Variants in ANTXR2 observed in about 807,000 individuals in gnomAD.
The protein encoded by ANTXR2 is ANTXR cell adhesion molecule 2, also known as anthrax toxin receptor 2.
ANTXR2 carries 44 observed loss-of-function variants against 73.7 expected under a neutral mutation model. That is an observed-to-expected ratio of 0.60 (90% CI 0.47 to 0.77). ANTXR2 has a LOEUF of 0.77. Among genes scored for constraint, ANTXR2 ranks in the 30% least tolerant of loss-of-function variants. The pLI is 0.00. For synonymous variants in ANTXR2, 217 were observed against 205.9 expected, an observed-to-expected ratio of 1.05 and a Z score of -0.46; for missense variants, 604 against 592.5, an observed-to-expected ratio of 1.02 and a Z score of -0.20.
In ANTXR2 at chr4:80,019,141, C is replaced by G. The variant is rs182823170; in HGVS notation, c.867-165G>C. Among the ~76,000 whole-genome samples the G allele has an allele frequency of 7.7e-3, 1,179 of 152,202 alleles. 17 individuals are homozygous for G. Among genetic ancestry groups the G allele is most frequent in the African/African-American group, 0.027 (1,142 of 41,534 alleles). ...CCACCCACCTCGGCCTCCCAAAGTC[C>G]TAGGATTACAGGCATGAGCCACCGT... On this transcript the variant is annotated intron_variant, in intron 10 of 16. Coordinates refer to ENST00000403729, the MANE Select transcript of ANTXR2 (RefSeq NM_058172.6).
chr4:79,974,392 C>T (rs1729545470), intron 16 of ANTXR2, among the ~76,000 whole-genome samples: 1 of 152,032 alleles, frequency 6.6e-6, no homozygotes, highest in Non-Finnish European at 1.5e-5. Context: ...AAGTCCCGCA[C>T]TTAAGTAAAA....
chr4:79,963,046 T>G (rs1483436818), intron 16 of ANTXR2, among the ~76,000 whole-genome samples: 2 of 152,178 alleles, frequency 1.3e-5, no homozygotes, highest in East Asian at 3.9e-4. Flanking sequence ...GGCAGTGTGA[T>G]GCAGAATCTC....
At chr4:80,004,860 A>G (rs149989670) in intron 12 of ANTXR2, among the ~76,000 whole-genome samples, 1 of 152,000 alleles carries the variant, frequency 6.6e-6, no homozygotes, top group East Asian at 1.9e-4. Flanking sequence ...GTCTACCCAA[A>G]CCCACTTCCT....
chr4:79,916,589 A>C (rs1727364047), intron 16 of ANTXR2, among the ~76,000 whole-genome samples: 1 of 152,170 alleles, frequency 6.6e-6, no homozygotes, highest in African/African-American at 2.4e-5. Context: ...AAAAAAACAG[A>C]AAGCAATTTA....
At chr4:79,982,738 G>T (rs941083976) in intron 14 of ANTXR2, among the ~76,000 whole-genome samples, 7 of 152,136 alleles carry the variant, frequency 4.6e-5, no homozygotes, top group Non-Finnish European at 7.4e-5. Context: ...TGGCAATGAG[G>T]TATCTGCCTC....
At chr4:80,010,952 C>T (rs1368602521) in intron 11 of ANTXR2, among the ~76,000 whole-genome samples, 1 of 151,920 alleles carries the variant, frequency 6.6e-6, no homozygotes, top group Non-Finnish European at 1.5e-5. Context: ...TCGAGACCAT[C>T]CTGGCTAACA....
chr4:80,002,088 G>A (rs1469536504), intron 12 of ANTXR2, among the ~76,000 whole-genome samples: 1 of 152,082 alleles, frequency 6.6e-6, no homozygotes, highest in South Asian at 2.1e-4. Context: ...CCAAAAAAGA[G>A]CCCGCATCAC....
intron 7 of ANTXR2, among the ~76,000 whole-genome samples, chr4:80,039,830 G>A (rs975459699): frequency 4.6e-5 from 7 of 152,036 alleles, no homozygotes; most frequent in African/African-American, 7.2e-5. Flanking sequence ...TGTGTTCATC[G>A]CAGCACTGTT....
intron 16 of ANTXR2, among the ~76,000 whole-genome samples, chr4:79,937,182 A>C (rs1728297848): frequency 6.6e-6 from 1 of 152,198 alleles, no homozygotes; most frequent in Non-Finnish European, 1.5e-5. Flanking sequence ...GCATTAAAAA[A>C]ACCAGGTGCC....
intron 11 of ANTXR2, among the ~76,000 whole-genome samples, chr4:80,013,612 G>T (rs1018744590): frequency 6.6e-6 from 1 of 152,204 alleles, no homozygotes; most frequent in Non-Finnish European, 1.5e-5. Flanking sequence ...CATTTCACCT[G>T]TTCACCATAT....
intron 7 of ANTXR2, among the ~76,000 whole-genome samples, chr4:80,047,765 GA>G (rs1733588773): frequency 6.6e-6 from 1 of 151,698 alleles, no homozygotes; most frequent in Non-Finnish European, 1.5e-5. Context: ...GAGGCAAATA[GA>G]AACATAGGCA....
intron 16 of ANTXR2, among the ~76,000 whole-genome samples, chr4:79,966,033 G>C (rs985388843): frequency 3.3e-5 from 5 of 151,942 alleles, no homozygotes; most frequent in Admixed American, 1.3e-4. Flanking sequence ...CCCTTGCTTA[G>C]AGCCCAATTG....
intron 3 of ANTXR2, among the ~76,000 whole-genome samples, chr4:80,058,139 C>A (rs1734084999): frequency 6.6e-6 from 1 of 152,044 alleles, no homozygotes; most frequent in African/African-American, 2.4e-5. Flanking sequence ...ATAAGACAGC[C>A]TTCTCCATTC....
chr4:80,063,744 C>T (rs957793767), intron 3 of ANTXR2, among the ~76,000 whole-genome samples: 6 of 152,226 alleles, frequency 3.9e-5, no homozygotes, highest in African/African-American at 7.2e-5. Flanking sequence ...TATGTACAGA[C>T]TTTCCTATTT....
intron 10 of ANTXR2, chr4:80,024,829 G>C (rs1732349810): frequency 3.7e-6 from 1 of 269,086 alleles, no homozygotes; most frequent in Non-Finnish European, 7.6e-6. Context: ...GAGGAGAAAG[G>C]GGAGAAACAG....
intron 16 of ANTXR2, among the ~76,000 whole-genome samples, chr4:79,925,887 T>A (rs1240958969): frequency 6.6e-6 from 1 of 152,152 alleles, no homozygotes; most frequent in East Asian, 1.9e-4. Flanking sequence ...CAGCTGTTCT[T>A]CAGACATGAA....
intron 11 of ANTXR2, 123 bp downstream of exon 11, chr4:80,018,775 A>G (rs1411559545): frequency 1.2e-6 from 1 of 812,034 alleles, no homozygotes; most frequent in East Asian, 3.3e-5. Flanking sequence ...TTTCCTTGTA[A>G]TGGTCTCCAA....
chr4:80,009,164 C>T (rs985762379), intron 11 of ANTXR2, among the ~76,000 whole-genome samples: 1 of 152,128 alleles, frequency 6.6e-6, no homozygotes, highest in Non-Finnish European at 1.5e-5. Flanking sequence ...CAGATGTTCT[C>T]TCATTGAAGC....
intron 10 of ANTXR2, among the ~76,000 whole-genome samples, chr4:80,020,326 C>T (rs542986016): frequency 4.6e-5 from 7 of 152,008 alleles, no homozygotes; most frequent in Non-Finnish European, 8.8e-5. Context: ...GTTGAGGCTG[C>T]AGTCATCTCT....
Sources: allele counts gnomAD v4.1 joint callset (sites outside exome capture counted in the v4.1 genomes callset), GRCh38; gene constraint gnomAD v4.1.1; transcripts MANE v1.5; gene names NCBI Gene and HGNC (gene_info 2026-07-23, HGNC 2026-07-21).